BCAS3: variants seen among roughly 807,000 people sequenced by gnomAD.
BCAS3 encodes the protein BCAS4/BCAS3 fusion.
Under a neutral mutation model 116.1 loss-of-function variants are expected in BCAS3, and 53 were observed. The ratio of observed to expected loss-of-function variants is 0.46; its 90% CI spans 0.37 to 0.57. The LOEUF is 0.57. Among genes scored for constraint, BCAS3 ranks in the 20% least tolerant of loss-of-function variants. The pLI is 0.00. For synonymous variants in BCAS3, 391 were observed against 408.2 expected (o/e 0.96, Z 0.51); for missense variants, 917 against 1,165.4 (o/e 0.79, Z 3.10).
In BCAS3 at chr17:61,278,881, ATCT is replaced by A. The variant is rs1381284919; in HGVS notation, c.2426-89442_2426-89440del. ...AGGGTTTCTTTTCAGAACAATCAAA[ATCT>A]TCTAAAATAGATTGTGGTGATGGTT... On this transcript the variant is annotated intron_variant, in intron 22 of 23. Transcript: ENST00000407086. This position sits in a 1 kb window ranked among gnomAD's most constrained non-coding sequence, Gnocchi z 5.8. Among the ~76,000 whole-genome samples the A allele has an allele frequency of 1.3e-5, 2 of 151,914 alleles. No homozygotes were observed. The highest frequency in any genetic ancestry group is 2.9e-5 in the Non-Finnish European group (2 of 68,022).
intron 20 of BCAS3, among the ~76,000 whole-genome samples, chr17:61,075,238 G>A (rs1601012502): frequency 6.6e-6 from 1 of 151,894 alleles, no homozygotes; most frequent in Non-Finnish European, 1.5e-5. Context: ...ATATATATAT[G>A]TTAGCTTCCA....
At chr17:61,260,639 G>A (rs2049122552) in intron 22 of BCAS3, among the ~76,000 whole-genome samples, 1 of 152,240 alleles carries the variant, frequency 6.6e-6, no homozygotes, top group South Asian at 2.1e-4. Flanking sequence ...CTGGACGTCA[G>A]TAGTTGAGTT....
At chr17:60,805,679 T>G (rs1350260192) in intron 6 of BCAS3, among the ~76,000 whole-genome samples, 1 of 151,670 alleles carries the variant, frequency 6.6e-6, no homozygotes, top group Non-Finnish European at 1.5e-5. Flanking sequence ...ATACAAAAAA[T>G]TAGCCGGACA....
At chr17:60,892,640 G>T (rs1196385707) in intron 10 of BCAS3, among the ~76,000 whole-genome samples, 2 of 151,636 alleles carry the variant, frequency 1.3e-5, no homozygotes, top group Non-Finnish European at 2.9e-5. Flanking sequence ...GCCGTTTTCG[G>T]CCCGGCATGG....
In BCAS3 at chr17:61,130,477, A is replaced by G. The variant is rs1302721718; in HGVS notation, c.2425+45913A>G. On this transcript the variant is annotated intron_variant, in intron 22 of 23. Transcript: ENST00000407086. The surrounding 1 kb of genome is among the most constrained non-coding windows in gnomAD (Gnocchi z 5.0). ...CAGAAGTAACCAAATCGGTCCCACA[A>G]ACATAAGCCTCTCTAACCCTGCCAC... Among the ~76,000 whole-genome samples the G allele has an allele frequency of 6.6e-6, 1 of 152,064 alleles. No individual in the cohort carries two copies. The highest frequency in any genetic ancestry group is 2.4e-5 in the African/African-American group (1 of 41,394).
chr17:61,036,300 G>A (rs1049753755), intron 17 of BCAS3: 6 of 152,162 alleles, frequency 3.9e-5, no homozygotes, highest in African/African-American at 1.2e-4. Context: ...AACACTGGCA[G>A]TCAGACATGA....
At chr17:61,071,691 A>G (rs1267905025) in intron 19 of BCAS3, among the ~76,000 whole-genome samples, 1 of 152,216 alleles carries the variant, frequency 6.6e-6, no homozygotes. Context: ...AATACTAAAT[A>G]TAATAGGAAG....
chr17:60,933,469 C>T (rs1002044411), intron 13 of BCAS3, among the ~76,000 whole-genome samples: 1 of 152,142 alleles, frequency 6.6e-6, no homozygotes, highest in Non-Finnish European at 1.5e-5. Flanking sequence ...GCTTTTCCAT[C>T]CATTAATAAG....
chr17:60,816,340 T>A (rs1241630324), intron 7 of BCAS3, among the ~76,000 whole-genome samples: 22 of 149,836 alleles, frequency 1.5e-4, no homozygotes, highest in Admixed American at 1.5e-3. Context: ...AGTGGCGTGA[T>A]CTCAGCTCAC....
Position 60,729,315 on chromosome 17 carries a change from C to CTT in BCAS3, c.322-17867_322-17866dup, listed in dbSNP as rs560082947. 4.3e-4 allele frequency among the ~76,000 whole-genome samples: 47 copies of CTT among 109,044 alleles called. 1 individual carries two copies. The highest frequency in any genetic ancestry group is 1.3e-3 in the African/African-American group (40 of 30,382). 71.5% of individuals were successfully genotyped at this position (109,044 alleles called of 152,430 possible). ...GAACATTCTTGTAGATATGTGGACT[C>CTT]TTTTTTTTTTTTTTTTTAAGATACC... On this transcript the variant is annotated intron_variant, in intron 5 of 23. Transcript: ENST00000407086.
intron 22 of BCAS3, among the ~76,000 whole-genome samples, chr17:61,230,966 T>C (rs1380545090): frequency 6.7e-6 from 1 of 149,480 alleles, no homozygotes; most frequent in Non-Finnish European, 1.5e-5. Context: ...TGCCTTTTTT[T>C]TTTTTTTTTT....
At chr17:60,895,533 A>T (rs545979184) in intron 10 of BCAS3, among the ~76,000 whole-genome samples, 31 of 151,460 alleles carry the variant, frequency 2.0e-4, no homozygotes, top group African/African-American at 7.0e-4. Flanking sequence ...GTATTGTTTC[A>T]TTAGTCTATT....
chr17:61,168,544 A>G (rs978976787), intron 22 of BCAS3, among the ~76,000 whole-genome samples: 1 of 152,324 alleles, frequency 6.6e-6, no homozygotes, highest in East Asian at 1.9e-4. Flanking sequence ...CTAGAATTCC[A>G]GAGTGTTTTT....
intron 7 of BCAS3, among the ~76,000 whole-genome samples, chr17:60,812,992 C>T (rs2048979161): frequency 6.6e-6 from 1 of 152,138 alleles, no homozygotes; most frequent in Non-Finnish European, 1.5e-5. Flanking sequence ...ATCCTCCTAT[C>T]CCAGCCTGCC....
Position 61,233,056 on chromosome 17 carries a change from G to A in BCAS3, c.2426-135271G>A, listed in dbSNP as rs2082785494. On this transcript the variant is annotated intron_variant, in intron 22 of 23. Coordinates refer to ENST00000407086, the MANE Select transcript of BCAS3 (RefSeq NM_017679.5). This position sits in a 1 kb window ranked among gnomAD's most constrained non-coding sequence, Gnocchi z 4.3. ...CTTTGCAGTGATCTGTAGCTAGACT[G>A]CGCTCTCTTGGGACTAACCTGTGTG... is the stretch of plus-strand genomic sequence containing the variant. 6.6e-6 allele frequency among the ~76,000 whole-genome samples: 1 copy of A among 152,208 alleles called. No individual in the cohort carries two copies. Among genetic ancestry groups the A allele is most frequent in the South Asian group, 2.1e-4 (1 of 4,834 alleles).
chr17:60,756,060 A>G (rs538549006), intron 6 of BCAS3, among the ~76,000 whole-genome samples: 8 of 151,962 alleles, frequency 5.3e-5, no homozygotes, highest in African/African-American at 1.9e-4. Flanking sequence ...AGTGGCCCCA[A>G]CCTTTTTGAC....
chr17:61,329,464 C>G (rs556589049), intron 22 of BCAS3, among the ~76,000 whole-genome samples: 14 of 151,934 alleles, frequency 9.2e-5, no homozygotes, highest in South Asian at 2.1e-4. Flanking sequence ...CCTCAGCCCC[C>G]CAAGTAACTG....
chr17:60,946,701 A>T (rs2060518581), intron 13 of BCAS3, among the ~76,000 whole-genome samples: 2 of 152,044 alleles, frequency 1.3e-5, no homozygotes, highest in Admixed American at 1.3e-4. Context: ...CTTGAGGCCC[A>T]GAGTTTGAGA....
chr17:60,988,038 A>T (rs2063260791), intron 14 of BCAS3, among the ~76,000 whole-genome samples: 1 of 152,056 alleles, frequency 6.6e-6, no homozygotes, highest in African/African-American at 2.4e-5. Context: ...TTATGAAGTA[A>T]TGTTGAATTT....
Sources: allele counts gnomAD v4.1 joint callset (sites outside exome capture counted in the v4.1 genomes callset), GRCh38; gene constraint gnomAD v4.1.1; non-coding constraint Gnocchi (gnomAD v3.1); transcripts MANE v1.5; gene names NCBI Gene and HGNC (gene_info 2026-07-23, HGNC 2026-07-21).